Variants in PRKCA observed in about 807,000 individuals in gnomAD.
The protein encoded by PRKCA is protein kinase C alpha, also known as protein kinase C alpha type.
A neutral mutation model predicts 87.0 loss-of-function variants in PRKCA; 27 were observed. The observed-to-expected ratio is 0.31, with a 90% CI of 0.23 to 0.43. The LOEUF (loss-of-function observed/expected upper bound fraction) is 0.43. PRKCA is among the 20% of genes least tolerant of loss of function. PRKCA has a pLI of 1.00. For missense variants in PRKCA, 518 were observed against 852.3 expected, an observed-to-expected ratio of 0.61 and a Z score of 4.88; for synonymous variants, 329 against 311.1, an observed-to-expected ratio of 1.06 and a Z score of -0.61.
At position 66,803,241 on chromosome 17, in the gene PRKCA, C is replaced by A. The variant is rs1975941822; in HGVS notation, c.1855-632C>A. On this transcript the variant is annotated intron_variant, in intron 16 of 16. Transcript: ENST00000413366. This position sits in a 1 kb window ranked among gnomAD's most constrained non-coding sequence, Gnocchi z 4.4. ...AAATAAGCTCCAGTCAGTCACCCAG[C>A]CTGCCCGCTGGCCAGCTCTGTCTAG... 6.6e-6 allele frequency among the ~76,000 whole-genome samples: 1 copy of A among 152,154 alleles called. No individual in the cohort carries two copies. The highest frequency in any genetic ancestry group is 2.1e-4 in the South Asian group (1 of 4,822).
intron 3 of PRKCA, among the ~76,000 whole-genome samples, chr17:66,585,899 C>T (rs1969581475): frequency 6.6e-6 from 1 of 152,118 alleles, no homozygotes; most frequent in Non-Finnish European, 1.5e-5. Flanking sequence ...CAATATGTGT[C>T]CTTGAGTCTG....
intron 3 of PRKCA, among the ~76,000 whole-genome samples, chr17:66,504,573 CA>C: frequency 6.8e-6 from 1 of 147,910 alleles, no homozygotes; most frequent in African/African-American, 2.5e-5. Context: ...GCCTGGGCAA[CA>C]AGAGTGAAAC....
chr17:66,356,742 A>G (rs532423350), intron 2 of PRKCA, among the ~76,000 whole-genome samples: 155 of 152,312 alleles, frequency 1.0e-3, no homozygotes, highest in Middle Eastern at 3.4e-3. Flanking sequence ...AACCCTTAAA[A>G]TGATTTTTTA....
At chr17:66,555,435 T>C (rs1968465701) in intron 3 of PRKCA, among the ~76,000 whole-genome samples, 1 of 152,128 alleles carries the variant, frequency 6.6e-6, no homozygotes, top group Non-Finnish European at 1.5e-5. Flanking sequence ...AGGATCCTCG[T>C]TCTTCCTTAA....
chr17:66,614,862 A>C (rs1048666498), intron 3 of PRKCA, among the ~76,000 whole-genome samples: 1 of 152,204 alleles, frequency 6.6e-6, no homozygotes, highest in Non-Finnish European at 1.5e-5. Context: ...ATTCATGGGC[A>C]TATCAGTTAA....
intron 2 of PRKCA, among the ~76,000 whole-genome samples, chr17:66,452,961 CA>C (rs1914398768): frequency 6.6e-6 from 1 of 152,258 alleles, no homozygotes; most frequent in Admixed American, 6.5e-5. Flanking sequence ...TTTGAACCCC[CA>C]TTGAGCTTGT....
intron 3 of PRKCA, among the ~76,000 whole-genome samples, chr17:66,517,122 A>G (rs770778821): frequency 1.3e-5 from 2 of 152,082 alleles, no homozygotes; most frequent in Non-Finnish European, 2.9e-5. Flanking sequence ...TGTCTCTGCT[A>G]AAAATACAAA....
intron 11 of PRKCA, among the ~76,000 whole-genome samples, chr17:66,739,915 TG>T (rs1974121088): frequency 6.6e-6 from 1 of 151,744 alleles, no homozygotes; most frequent in Non-Finnish European, 1.5e-5. Flanking sequence ...GAAGGAAGCA[TG>T]AAAGGAAATG....
At chr17:66,575,125 T>C (rs924453573) in intron 3 of PRKCA, among the ~76,000 whole-genome samples, 2 of 152,188 alleles carry the variant, frequency 1.3e-5, no homozygotes, top group African/African-American at 4.8e-5. Flanking sequence ...CTGTGATACC[T>C]CAACAGTTTA....
At chr17:66,584,308 G>T (rs1446591015) in intron 3 of PRKCA, among the ~76,000 whole-genome samples, 1 of 152,002 alleles carries the variant, frequency 6.6e-6, no homozygotes, top group South Asian at 2.1e-4. Flanking sequence ...TGCAACCTCC[G>T]CCTCCTGGTT....
intron 8 of PRKCA, among the ~76,000 whole-genome samples, chr17:66,715,749 C>A (rs577156582): frequency 6.6e-6 from 1 of 151,652 alleles, no homozygotes; most frequent in South Asian, 2.1e-4. Flanking sequence ...TTTTTTGCAT[C>A]TGCGTAGATA....
chr17:66,390,229 GA>G (rs56160498), intron 2 of PRKCA, among the ~76,000 whole-genome samples: 120,047 of 151,342 alleles, frequency 0.79, 47,967 homozygotes, highest in South Asian at 0.87. Context: ...TCTCAAAAAA[GA>G]AAAAAAAAAT....
chr17:66,506,112 A>G (rs573477641), intron 3 of PRKCA, among the ~76,000 whole-genome samples: 38 of 152,278 alleles, frequency 2.5e-4, no homozygotes, highest in African/African-American at 8.2e-4. Context: ...CCTGGCCAAC[A>G]TGGTGAAACT....
intron 2 of PRKCA, among the ~76,000 whole-genome samples, chr17:66,486,789 CCT>C (rs1309039298): frequency 1.3e-5 from 2 of 152,048 alleles, no homozygotes; most frequent in Non-Finnish European, 2.9e-5. Context: ...AATTGAGACC[CCT>C]GTTTATTGTT....
chr17:66,649,255 A>C (rs1435870943), intron 5 of PRKCA, among the ~76,000 whole-genome samples: 2 of 152,246 alleles, frequency 1.3e-5, no homozygotes, highest in African/African-American at 4.8e-5. Flanking sequence ...AGTGCTTGCC[A>C]ATGATGGGTG....
At chr17:66,582,183 C>A (rs1481229419) in intron 3 of PRKCA, among the ~76,000 whole-genome samples, 1 of 151,956 alleles carries the variant, frequency 6.6e-6, no homozygotes, top group African/African-American at 2.4e-5. Context: ...TTCTCCTCTT[C>A]CCATGGAAAT....
rs1006190565 is a variant in PRKCA at position 66,539,490 on chromosome 17, G to A, written c.288+43207G>A. 6.0e-5 allele frequency among the ~76,000 whole-genome samples: 9 copies of A among 150,800 alleles called. 1 individual carries two copies. The highest frequency in any genetic ancestry group is 3.4e-3 in the Middle Eastern group (1 of 294). On this transcript the variant is annotated intron_variant, in intron 3 of 16. Transcript: ENST00000413366. ...GTGATCTCGGCTCACTGCAAGCTCC[G>A]CCTCTCAGGTTCACGCCATTCTCCT...
chr17:66,794,594 G>GT (rs79609604), intron 16 of PRKCA, among the ~76,000 whole-genome samples: 2,160 of 142,598 alleles, frequency 0.015, 26 homozygotes, highest in Middle Eastern at 0.038. Context: ...GTGTTATATT[G>GT]TTTTTTTTGT....
In PRKCA at chr17:66,735,552, G is replaced by T; in HGVS notation, c.1120G>T (p.Val374Leu). The part of the protein sequence containing the change: ...LYAIKILKKD[V>L]VIQDDDVECT... ...TGCAATCAAAATCCTGAAGAAGGATGTGGTGATTCAGGATGATGACGTGGA... is the reference window on the plus strand; with the variant it reads ...TGCAATCAAAATCCTGAAGAAGGATTTGGTGATTCAGGATGATGACGTGGA... The change falls in exon 10 of 17, where the codon GTG becomes TTG. Residue 374 changes from valine (V) to leucine (L), a missense_variant. This residue lies in a region of PRKCA where 300 missense variants were observed against 496.8 expected (regional missense o/e 0.60). Transcript: ENST00000413366. 6.2e-7 allele frequency: 1 copy of T among 1,614,202 alleles called. No homozygotes were observed. The highest frequency in any genetic ancestry group is 8.5e-7 in the Non-Finnish European group (1 of 1,180,030).
Sources: allele counts gnomAD v4.1 joint callset (sites outside exome capture counted in the v4.1 genomes callset), GRCh38; gene constraint gnomAD v4.1.1; regional missense constraint gnomAD v4.1.1; non-coding constraint Gnocchi (gnomAD v3.1); transcripts MANE v1.5; gene names NCBI Gene and HGNC (gene_info 2026-07-23, HGNC 2026-07-21).